PCSK2: variants seen among roughly 807,000 people sequenced by gnomAD.
PCSK2 encodes the protein neuroendocrine convertase 2.
Under a neutral mutation model 69.7 loss-of-function variants are expected in PCSK2, and 14 were observed. That is an observed-to-expected ratio of 0.20 (90% CI 0.13 to 0.31). PCSK2 has a LOEUF of 0.31. Ranked by LOEUF, PCSK2 falls within the 10% of genes least tolerant of loss-of-function variation. The probability of loss-of-function intolerance (pLI) is 1.00; values close to 1 mark genes in which losing one functional copy is unlikely to be tolerated. For synonymous variants in PCSK2, 307 were observed against 320.7 expected (o/e 0.96, Z 0.46); for missense variants, 544 against 842.5 (o/e 0.65, Z 4.39).
At chr20:17,437,047 G>A (rs1347701938) in intron 8 of PCSK2, among the ~76,000 whole-genome samples, 164 bp downstream of exon 8, 4 of 152,204 alleles carry the variant, frequency 2.6e-5, no homozygotes, top group Non-Finnish European at 5.9e-5. Context: ...TGACTGCAGG[G>A]AGGCCTGTGA....
intron 1 of PCSK2, among the ~76,000 whole-genome samples, chr20:17,233,099 A>G (rs1600394873): frequency 6.6e-6 from 1 of 152,306 alleles, no homozygotes; most frequent in East Asian, 1.9e-4. Flanking sequence ...CAGAACGCTC[A>G]CTGTCCCCAA....
intron 2 of PCSK2, among the ~76,000 whole-genome samples, chr20:17,264,823 T>C (rs1987528455): frequency 6.6e-6 from 1 of 151,954 alleles, no homozygotes. Context: ...GAAGGGAAAA[T>C]GCTGTTATCT....
intron 8 of PCSK2, among the ~76,000 whole-genome samples, chr20:17,446,304 A>T (rs1432352962): frequency 1.3e-5 from 2 of 152,234 alleles, no homozygotes; most frequent in Non-Finnish European, 2.9e-5. Context: ...GGCCAGGGCA[A>T]CTGCATCATC....
At chr20:17,411,794 GC>G (rs1476616285) in intron 6 of PCSK2, among the ~76,000 whole-genome samples, 2 of 152,222 alleles carry the variant, frequency 1.3e-5, no homozygotes, top group East Asian at 3.9e-4. Context: ...AAAGGTGGGT[GC>G]CCCTCTAGGA....
chr20:17,426,461 A>G (rs562146673), intron 6 of PCSK2, among the ~76,000 whole-genome samples: 1 of 152,356 alleles, frequency 6.6e-6, no homozygotes, highest in African/African-American at 2.4e-5. Context: ...GAACTAAGAA[A>G]CCAGCAAAAG....
intron 2 of PCSK2, among the ~76,000 whole-genome samples, chr20:17,299,266 G>T (rs1440707425): frequency 9.9e-5 from 15 of 151,908 alleles, no homozygotes; most frequent in Admixed American, 9.8e-4. Flanking sequence ...CTCATAATTT[G>T]GTTTATTAAA....
At chr20:17,423,346 A>T (rs1020242064) in intron 6 of PCSK2, among the ~76,000 whole-genome samples, 1 of 152,220 alleles carries the variant, frequency 6.6e-6, no homozygotes, top group Non-Finnish European at 1.5e-5. Flanking sequence ...AAGACCTGGA[A>T]TCAATAGAAA....
At chr20:17,299,574 A>G (rs914592215) in intron 2 of PCSK2, among the ~76,000 whole-genome samples, 1 of 152,034 alleles carries the variant, frequency 6.6e-6, no homozygotes, top group Non-Finnish European at 1.5e-5. Flanking sequence ...GAATTGTATT[A>G]CATTTCCAAA....
At chr20:17,405,583 G>C (rs2031733793) in intron 5 of PCSK2, among the ~76,000 whole-genome samples, 1 of 152,180 alleles carries the variant, frequency 6.6e-6, no homozygotes, top group African/African-American at 2.4e-5. Context: ...AAAGCCAGAG[G>C]AATCTGTGAA....
chr20:17,242,576 G>T (rs1216681441), intron 1 of PCSK2, among the ~76,000 whole-genome samples: 1 of 152,110 alleles, frequency 6.6e-6, no homozygotes, highest in Non-Finnish European at 1.5e-5. Context: ...TATGTGTTGG[G>T]GTGTGACAAA....
chr20:17,302,340 CT>C (rs780487639), intron 2 of PCSK2, among the ~76,000 whole-genome samples: 5 of 152,102 alleles, frequency 3.3e-5, no homozygotes, highest in Non-Finnish European at 7.3e-5. Context: ...TTTAAACATG[CT>C]GGTAAATGGT....
At chr20:17,264,353 C>T (rs1987510180) in intron 2 of PCSK2, among the ~76,000 whole-genome samples, 1 of 152,172 alleles carries the variant, frequency 6.6e-6, no homozygotes, top group Admixed American at 6.5e-5. Flanking sequence ...CATTTTTAAA[C>T]ATGTTTCAGT....
At chr20:17,436,450 C>T (rs2032486243) in intron 7 of PCSK2, among the ~76,000 whole-genome samples, 2 of 152,244 alleles carry the variant, frequency 1.3e-5, no homozygotes. Context: ...TCTCTCCCAT[C>T]ATGAATTCTA....
At chr20:17,331,428 A>T (rs727472) in intron 2 of PCSK2, among the ~76,000 whole-genome samples, 66,389 of 152,008 alleles carry the variant, frequency 0.44, 16,083 homozygotes, top group South Asian at 0.55. Context: ...TTCTGTCTAC[A>T]AACTCACTGC....
rs569342725 is a variant in PCSK2 at position 17,430,772 on chromosome 20, T to G, written c.709+1249T>G. Among the ~76,000 whole-genome samples the G allele has an allele frequency of 3.4e-4, 51 of 152,102 alleles. No homozygotes were observed. The East Asian group carries it at 9.7e-3, about 29-fold the overall frequency. ...TGGGATGGAATCTAAGGGAGGCGGG[T>G]TCTCTACTCACAGGACAGAACTGGA... On this transcript the variant is annotated intron_variant, in intron 7 of 11. Coordinates refer to ENST00000262545, the MANE Select transcript of PCSK2 (RefSeq NM_002594.5).
chr20:17,437,576 G>A (rs1446067455), intron 8 of PCSK2, among the ~76,000 whole-genome samples: 3 of 152,178 alleles, frequency 2.0e-5, no homozygotes, highest in African/African-American at 7.2e-5. Flanking sequence ...AAGTGACTTA[G>A]CCTCGCCTGT....
chr20:17,235,875 A>G (rs1986318651), intron 1 of PCSK2, among the ~76,000 whole-genome samples: 1 of 152,142 alleles, frequency 6.6e-6, no homozygotes, highest in South Asian at 2.1e-4. Flanking sequence ...ACACATTGCA[A>G]TATTCATGAA....
intron 2 of PCSK2, among the ~76,000 whole-genome samples, chr20:17,321,718 C>T (rs1035799719): frequency 1.3e-5 from 2 of 152,144 alleles, no homozygotes; most frequent in Admixed American, 1.3e-4. Flanking sequence ...CAACTGCCAT[C>T]TTCAGCAGAA....
Position 17,450,017 on chromosome 20 carries a change from C to CTTTTTTTTTTTTTTTTTTTTT in PCSK2, c.886-3715_886-3695dup, listed in dbSNP as rs61156656. On this transcript the variant is annotated intron_variant, in intron 8 of 11. Coordinates refer to ENST00000262545, the MANE Select transcript of PCSK2 (RefSeq NM_002594.5). Reference sequence around the variant, plus strand: ...TTTTTAAGTTTGTTGAATTTCTTCCCTTTTTTTTTTTTTTTTTTTTTTTTT... The same window carrying CTTTTTTTTTTTTTTTTTTTTT: ...TTTTTAAGTTTGTTGAATTTCTTCCCTTTTTTTTTTTTTTTTTTTTTTTTTTTTTTTTTTTTTTTTTTTTTT... Among the ~76,000 whole-genome samples the CTTTTTTTTTTTTTTTTTTTTT allele has an allele frequency of 8.1e-4, 50 of 61,834 alleles. 8 individuals are homozygous for CTTTTTTTTTTTTTTTTTTTTT. The highest frequency in any genetic ancestry group is 1.3e-3 in the Non-Finnish European group (44 of 34,974). 40.6% of individuals were successfully genotyped at this position (61,834 alleles called of 152,430 possible). A position where few individuals can be genotyped will look rare whatever the true frequency, so the allele number is the denominator to read the frequency against.
Sources: gnomAD v4.1 joint callset for allele counts (sites outside exome capture counted in the v4.1 genomes callset) on GRCh38, gnomAD v4.1.1 for gene constraint, MANE v1.5 for transcripts, NCBI Gene and HGNC (gene_info 2026-07-23, HGNC 2026-07-21) for gene names.